The following ISM2 variants were observed in gnomAD, a reference collection of about 807,000 sequenced individuals.
ISM2 encodes the protein isthmin-2.
In ISM2, 50 loss-of-function variants were observed where a neutral mutation model predicts 58.0. The ratio of observed to expected loss-of-function variants is 0.86; its 90% CI spans 0.69 to 1.09. ISM2 has a LOEUF of 1.09. Among genes scored for constraint, ISM2 ranks in the 50% least tolerant of loss-of-function variants. The probability of loss-of-function intolerance (pLI) is 0.00; values close to 1 mark genes in which losing one functional copy is unlikely to be tolerated. For missense variants in ISM2, 723 were observed against 745.0 expected (o/e 0.97, Z 0.34); for synonymous variants, 303 against 312.4 (o/e 0.97, Z 0.32).
rs751744695 is a variant in ISM2, at chr14:77,475,978, G to A, written c.1333C>T (p.Gln445Ter). The A allele has an allele frequency of 3.1e-6, 5 of 1,595,826 alleles. No homozygotes were observed. The South Asian group carries it at 4.4e-5, about 14-fold the overall frequency. Residue 445 changes from glutamine (Q) to a stop codon, truncating the protein, a stop_gained, in exon 7 of 7, where the codon CAG becomes TAG. Coordinates refer to ENST00000342219, the MANE Select transcript of ISM2 (RefSeq NM_199296.3). LOFTEE classifies it high-confidence loss of function. The surrounding 1 kb of genome is among the most constrained non-coding windows in gnomAD (Gnocchi z 4.1). ...LEAMDSPVSLQDEHQGRSFRW... is the reference protein window; with the variant it reads ...LEAMDSPVSL ...AAGCTGCGGCCCTGGTGCTCGTCCTGTAGGCTCACAGGGCTGTCCATGGCC... is the reference window on the plus strand; with the variant it reads ...AAGCTGCGGCCCTGGTGCTCGTCCTATAGGCTCACAGGGCTGTCCATGGCC...
In ISM2 at chr14:77,475,728, G is replaced by C. The variant is rs768825935; in HGVS notation, c.1583C>G (p.Thr528Arg). 6.2e-7 allele frequency: 1 copy of C among 1,614,106 alleles called. No homozygotes were observed. Among genetic ancestry groups the C allele is most frequent in the Non-Finnish European group, 8.5e-7 (1 of 1,180,030 alleles). Residue 528 changes from threonine to arginine, a missense_variant, in exon 7 of 7, where the codon ACG becomes AGG. Transcript: ENST00000342219. The surrounding 1 kb of genome is among the most constrained non-coding windows in gnomAD (Gnocchi z 4.1). Reference sequence around the variant, plus strand: ...GTCCCCCTTGCACAGGATCCAGGGCGTCGTGTCGAACTTGAAGTGCAGCTT... The same window carrying C: ...GTCCCCCTTGCACAGGATCCAGGGCCTCGTGTCGAACTTGAAGTGCAGCTT... ...SPKLHFKFDT[T>R]PWILCKGDWS...
chr14:77,487,725 A>C (rs1594952028), intron 1 of ISM2, among the ~76,000 whole-genome samples: 3 of 152,200 alleles, frequency 2.0e-5, no homozygotes, highest in Admixed American at 1.3e-4. Context: ...GTTCCAGTGT[A>C]GGTGGTTCCA....
intron 1 of ISM2, among the ~76,000 whole-genome samples, chr14:77,495,531 C>T (rs2079233774): frequency 6.6e-6 from 1 of 152,224 alleles, no homozygotes; most frequent in Non-Finnish European, 1.5e-5. Context: ...TCACTGTCAT[C>T]TCCATGTAGG....
At chr14:77,491,676 G>A (rs1426191504) in intron 1 of ISM2, among the ~76,000 whole-genome samples, 2 of 150,480 alleles carry the variant, frequency 1.3e-5, no homozygotes, top group African/African-American at 4.9e-5. Flanking sequence ...ACAGGCATGG[G>A]CCACCGCGTC....
At chr14:77,488,853 A>G (rs1226806604) in intron 1 of ISM2, among the ~76,000 whole-genome samples, 1 of 152,138 alleles carries the variant, frequency 6.6e-6, no homozygotes, top group Non-Finnish European at 1.5e-5. Flanking sequence ...TGGCATTCTG[A>G]GGGGAATTCT....
rs139496639 is a variant in ISM2, at chr14:77,487,793, G to A, written c.142-2874C>T. ...GGTAGGGGAGCGAGACAGGGAAGGG[G>A]AGGCGGCAGTCAAGGATGCAGTCAA... On this transcript the variant is annotated intron_variant, in intron 1 of 6. Coordinates refer to ENST00000342219, the MANE Select transcript of ISM2 (RefSeq NM_199296.3). Among the ~76,000 whole-genome samples the A allele has an allele frequency of 9.2e-5, 14 of 152,286 alleles. No homozygotes were observed. The East Asian group carries it at 2.7e-3, about 29-fold the overall frequency.
intron 3 of ISM2, among the ~76,000 whole-genome samples, chr14:77,483,547 CAAAA>C (rs5809837): frequency 8.9e-6 from 1 of 112,014 alleles, no homozygotes; most frequent in Non-Finnish European, 1.9e-5. Context: ...GACTCCATCT[CAAAA>C]AAAAAAAAAA....
chr14:77,482,003 G>A (rs2079135027), intron 4 of ISM2, among the ~76,000 whole-genome samples: 1 of 151,332 alleles, frequency 6.6e-6, no homozygotes, highest in African/African-American at 2.4e-5. Context: ...GGAGGCTAAG[G>A]TGGGAGGGCT....
At position 77,484,352 on chromosome 14, in the gene ISM2, T is replaced by C. The variant is rs1346368726; in HGVS notation, c.598A>G (p.Thr200Ala). 2 of 1,611,546 alleles carry C rather than the reference T, an allele frequency of 1.2e-6. No individual in the cohort carries two copies. The highest frequency in any genetic ancestry group is 3.3e-5 in the Admixed American group (2 of 59,854). Residue 200 changes from threonine to alanine, a missense_variant, in exon 3 of 7, where the codon ACC becomes GCC. Thr to Ala is a moderately conservative substitution (Grantham distance 58, BLOSUM62 0). Transcript: ENST00000342219. ...LQKLPELVHA[T>A]LSTPNPDNQV... ...TTATCAGGGTTAGGGGTACTCAAGG[T>C]TGCGTGGACCAATTCTGGCAGCTTC...
chr14:77,479,385 ATTT>A (rs1182524391), intron 4 of ISM2, among the ~76,000 whole-genome samples: 1 of 118,726 alleles, frequency 8.4e-6, no homozygotes. Context: ...TGCCTGGCTA[ATTT>A]TTTTTTTTTT....
rs923502168 is a variant in ISM2 at position 77,476,227 on chromosome 14, G to A, written c.1199-115C>T. The A allele has an allele frequency of 2.0e-5, 24 of 1,200,396 alleles. No individual in the cohort carries two copies. In the African/African-American group the frequency reaches 3.1e-4, roughly 15 times the overall value. The allele number at this position is 1,200,396 out of a possible 1,614,324, so 74.4% of individuals were successfully genotyped here. A position where few individuals can be genotyped will look rare whatever the true frequency, so the allele number is the denominator to read the frequency against. On this transcript the variant is annotated intron_variant, in intron 6 of 6. Transcript: ENST00000342219. ...AGAGAAGGCCCAGGCCCCAGCTGGTGCAAAGGCGTGGCTTGGTAGGGCCTT... is the reference window on the plus strand; with the variant it reads ...AGAGAAGGCCCAGGCCCCAGCTGGTACAAAGGCGTGGCTTGGTAGGGCCTT...
chr14:77,488,121 T>A (rs2079179458), intron 1 of ISM2, among the ~76,000 whole-genome samples: 1 of 152,204 alleles, frequency 6.6e-6, no homozygotes, highest in Non-Finnish European at 1.5e-5. Context: ...AACTCAAAGG[T>A]AAGTTCTGTG....
At position 77,491,590 on chromosome 14, in the gene ISM2, C is replaced by T. The variant is rs534080623; in HGVS notation, c.142-6671G>A. On this transcript the variant is annotated intron_variant, in intron 1 of 6. Coordinates refer to ENST00000342219, the MANE Select transcript of ISM2 (RefSeq NM_199296.3). ...TATTTTTAGTAGAGACAGGGTTTCA[C>T]CATGTTGGCTAGACTGGTCTCCAAC... Among the ~76,000 whole-genome samples, 574 of 152,120 alleles carry T rather than the reference C, an allele frequency of 3.8e-3. 4 individuals are homozygous for T. Among genetic ancestry groups the T allele is most frequent in the African/African-American group, 0.013 (538 of 41,510 alleles).
chr14:77,480,859 G>T (rs1215589714), intron 4 of ISM2, among the ~76,000 whole-genome samples: 1 of 151,830 alleles, frequency 6.6e-6, no homozygotes, highest in Non-Finnish European at 1.5e-5. Flanking sequence ...ATGCCCGGCT[G>T]TCATGAAAAT....
At chr14:77,492,324 G>T (rs1468988255) in intron 1 of ISM2, among the ~76,000 whole-genome samples, 1 of 152,072 alleles carries the variant, frequency 6.6e-6, no homozygotes, top group East Asian at 1.9e-4. Flanking sequence ...GGGGATCCTG[G>T]CTCACCACAT....
At chr14:77,498,381 G>A (rs1243235170) in intron 1 of ISM2, 2 of 1,312,318 alleles carry the variant, frequency 1.5e-6, no homozygotes, top group East Asian at 3.0e-5. Context: ...TGGAGTGTCG[G>A]CCACCTCACT....
chr14:77,498,080 A>C, intron 1 of ISM2: 1 of 342,626 alleles, frequency 2.9e-6, no homozygotes, highest in Non-Finnish European at 5.5e-6. Flanking sequence ...TCCATGGCCA[A>C]CACCACTCTT....
intron 1 of ISM2, chr14:77,498,403 T>C: frequency 7.9e-7 from 1 of 1,265,500 alleles, no homozygotes; most frequent in Non-Finnish European, 1.1e-6. Flanking sequence ...CGCACAGAAG[T>C]CAAACTTGTC....
chr14:77,490,613 T>C (rs2139969444), intron 1 of ISM2, among the ~76,000 whole-genome samples: 1 of 152,370 alleles, frequency 6.6e-6, no homozygotes. Context: ...TGTGCTTTGC[T>C]AACTCCAGGC....
Sources: gnomAD v4.1 joint callset for allele counts (sites outside exome capture counted in the v4.1 genomes callset) on GRCh38, gnomAD v4.1.1 for gene constraint, Gnocchi (gnomAD v3.1) non-coding constraint, MANE v1.5 for transcripts, NCBI Gene and HGNC (gene_info 2026-07-23, HGNC 2026-07-21) for gene names.